Variants in ANO3 observed in about 807,000 individuals in gnomAD.
The protein encoded by ANO3 is anoctamin-3.
A neutral mutation model predicts 144.8 loss-of-function variants in ANO3; 99 were observed. The observed-to-expected ratio is 0.68, with a 90% confidence interval of 0.58 to 0.81. The LOEUF is 0.81. Ranked by LOEUF, ANO3 falls within the 30% of genes least tolerant of loss-of-function variation. ANO3 has a pLI of 0.00. For missense variants in ANO3, 905 were observed against 1,202.2 expected (o/e 0.75, Z 3.66); for synonymous variants, 414 against 392.6 (o/e 1.05, Z -0.64).
intron 4 of ANO3, among the ~76,000 whole-genome samples, chr11:26,497,502 T>C (rs1397913113): frequency 6.6e-6 from 1 of 152,120 alleles, no homozygotes; most frequent in Non-Finnish European, 1.5e-5. Flanking sequence ...ACCGATGTTG[T>C]AAAAAGTTTT....
At chr11:26,274,986 T>C (rs1449411639) in intron 1 of ANO3, among the ~76,000 whole-genome samples, 1 of 151,950 alleles carries the variant, frequency 6.6e-6, no homozygotes, top group South Asian at 2.1e-4. Flanking sequence ...AAAATACTAA[T>C]TTCATTACTC....
intron 5 of ANO3, among the ~76,000 whole-genome samples, chr11:26,510,011 G>A (rs527664810): frequency 6.6e-6 from 1 of 151,788 alleles, no homozygotes; most frequent in African/African-American, 2.4e-5. Context: ...GCGCGTTCCT[G>A]TAGTCCCAGC....
intron 1 of ANO3, among the ~76,000 whole-genome samples, chr11:26,421,319 C>A (rs16915656): frequency 0.16 from 24,259 of 151,930 alleles, 2,111 homozygotes; most frequent in South Asian, 0.31. Context: ...ATGATTTTGA[C>A]AAGGAAGACA....
At chr11:26,255,458 C>T (rs2133822917) in intron 1 of ANO3, among the ~76,000 whole-genome samples, 1 of 152,218 alleles carries the variant, frequency 6.6e-6, no homozygotes, top group East Asian at 1.9e-4. Flanking sequence ...GTAATCATGG[C>T]CCATTTATTG....
At chr11:26,548,954 A>G (rs868594848) in intron 12 of ANO3, among the ~76,000 whole-genome samples, 2,003 of 133,772 alleles carry the variant, frequency 0.015, 44 homozygotes, top group African/African-American at 0.049. Context: ...TGAATTGGAA[A>G]AAAAAAAAAA....
intron 23 of ANO3, among the ~76,000 whole-genome samples, chr11:26,644,482 G>T (rs375313569): frequency 6.6e-6 from 1 of 152,168 alleles, no homozygotes; most frequent in Non-Finnish European, 1.5e-5. Flanking sequence ...CTAGACTGGA[G>T]CACCTGTTCA....
intron 2 of ANO3, among the ~76,000 whole-genome samples, chr11:26,443,450 A>G (rs952673597): frequency 1.3e-5 from 2 of 151,700 alleles, no homozygotes; most frequent in Non-Finnish European, 2.9e-5. Context: ...AAAAATACAA[A>G]AGTTAGCCAG....
intron 24 of ANO3, among the ~76,000 whole-genome samples, chr11:26,651,373 C>G (rs1380137683): frequency 2.0e-5 from 3 of 152,118 alleles, no homozygotes. Flanking sequence ...ACAATTGTTT[C>G]AAATACTATT....
intron 1 of ANO3, among the ~76,000 whole-genome samples, chr11:26,193,119 A>G (rs1444103322): frequency 6.1e-5 from 8 of 131,266 alleles, no homozygotes; most frequent in Admixed American, 6.1e-4. Flanking sequence ...TGATAGTGGG[A>G]TTTTGATTTT....
At chr11:26,315,032 A>G (rs1564961383) in intron 1 of ANO3, among the ~76,000 whole-genome samples, 1 of 151,812 alleles carries the variant, frequency 6.6e-6, no homozygotes, top group South Asian at 2.1e-4. Context: ...AGTAAATATT[A>G]TTGTTTTTAT....
At chr11:26,619,711 C>G (rs1852360457) in intron 17 of ANO3, among the ~76,000 whole-genome samples, 1 of 152,164 alleles carries the variant, frequency 6.6e-6, no homozygotes. Flanking sequence ...AAGAGATCCG[C>G]CCACTTTGGC....
chr11:26,579,848 C>T (rs293982), intron 14 of ANO3, among the ~76,000 whole-genome samples: 139,892 of 152,088 alleles, frequency 0.92, 64,727 homozygotes, highest in East Asian at 0.98. Context: ...TTTTGAACAG[C>T]ATTATTACCA....
chr11:26,284,575 C>A (rs1853756535), intron 1 of ANO3, among the ~76,000 whole-genome samples: 2 of 152,172 alleles, frequency 1.3e-5, no homozygotes, highest in South Asian at 4.1e-4. Context: ...GAATCTAAAT[C>A]AATAGTTTCT....
intron 18 of ANO3, among the ~76,000 whole-genome samples, chr11:26,625,642 G>T (rs139171426): frequency 4.9e-4 from 75 of 151,846 alleles, no homozygotes; most frequent in African/African-American, 1.7e-3. Flanking sequence ...TTATCCCAAA[G>T]GTTTTGCCAA....
chr11:26,255,022 G>A (rs996008538), intron 1 of ANO3, among the ~76,000 whole-genome samples: 3 of 152,030 alleles, frequency 2.0e-5, no homozygotes, highest in South Asian at 2.1e-4. Context: ...CATTGTGTTC[G>A]GTCCATTCAG....
intron 1 of ANO3, among the ~76,000 whole-genome samples, chr11:26,397,431 T>C (rs1857044062): frequency 6.6e-6 from 1 of 152,084 alleles, no homozygotes; most frequent in Non-Finnish European, 1.5e-5. Context: ...ATCAAAACAC[T>C]GGAATAACAG....
chr11:26,425,794 ATCCACAAT>A (rs1429785162), intron 1 of ANO3, among the ~76,000 whole-genome samples: 2 of 152,242 alleles, frequency 1.3e-5, no homozygotes, highest in South Asian at 4.1e-4. Flanking sequence ...TCTGTGTTTT[ATCCACAAT>A]TGCTATGGTC....
chr11:26,502,956 T>C (rs993585858), intron 4 of ANO3, among the ~76,000 whole-genome samples: 1 of 151,980 alleles, frequency 6.6e-6, no homozygotes, highest in Non-Finnish European at 1.5e-5. Context: ...TGGGCAAATC[T>C]CTACCACTAT....
chr11:26,454,646 G>A (rs1859080564), intron 3 of ANO3, among the ~76,000 whole-genome samples: 1 of 151,178 alleles, frequency 6.6e-6, no homozygotes. Context: ...TCTACCAGAG[G>A]TACAAGGAGG....
Sources: allele counts gnomAD v4.1 joint callset (sites outside exome capture counted in the v4.1 genomes callset), GRCh38; gene constraint gnomAD v4.1.1; transcripts MANE v1.5; gene names NCBI Gene and HGNC (gene_info 2026-07-23, HGNC 2026-07-21).